Variants in DMC1 observed in about 807,000 individuals in gnomAD.
The protein encoded by DMC1 is meiotic recombination protein DMC1 homolog.
In DMC1, 27 loss-of-function variants were observed where a neutral mutation model predicts 50.1. The ratio of observed to expected loss-of-function variants is 0.54; its 90% CI spans 0.40 to 0.74. The LOEUF (loss-of-function observed/expected upper bound fraction) is 0.74. DMC1 is among the 30% of genes least tolerant of loss of function. The pLI is 0.00. For missense variants in DMC1, 295 were observed against 420.2 expected, an observed-to-expected ratio of 0.70 and a Z score of 2.60; for synonymous variants, 148 against 136.1, an observed-to-expected ratio of 1.09 and a Z score of -0.61.
intron 5 of DMC1, among the ~76,000 whole-genome samples, chr22:38,556,132 C>T (rs1322603281): frequency 6.6e-6 from 1 of 152,048 alleles, no homozygotes; most frequent in Non-Finnish European, 1.5e-5. Flanking sequence ...ATGCCCAGCC[C>T]ATCTTAGTTA....
At chr22:38,514,770 C>T (rs1420308569), downstream of DMC1, among the ~76,000 whole-genome samples, 2 of 152,084 alleles carry the variant, frequency 1.3e-5, no homozygotes, top group African/African-American at 4.8e-5. Context: ...AGGAAGTTAT[C>T]CTGTATGGTC....
chr22:38,569,076 T>C lies in DMC1; in HGVS notation c.-33-787A>G, dbSNP rs529337965. ...GTGGGCGCCCGTAATCCCACCTACTTGGGAGGCTGAGGCAGGAGAATCGCT... is the reference window on the plus strand; with the variant it reads ...GTGGGCGCCCGTAATCCCACCTACTCGGGAGGCTGAGGCAGGAGAATCGCT... On this transcript the variant is annotated intron_variant, in intron 1 of 13. Coordinates refer to ENST00000216024, the MANE Select transcript of DMC1 (RefSeq NM_007068.4). Among the ~76,000 whole-genome samples, 19 of 150,468 alleles carry C rather than the reference T, an allele frequency of 1.3e-4. No homozygotes were observed. The East Asian group carries it at 3.3e-3, about 26-fold the overall frequency.
chr22:38,517,264 T>C (rs1381924700), downstream of DMC1, among the ~76,000 whole-genome samples: 2 of 152,138 alleles, frequency 1.3e-5, no homozygotes, highest in Admixed American at 6.6e-5. Flanking sequence ...CCAGCTAGAA[T>C]GATTTTTCAA....
At chr22:38,518,248 T>A (rs186711159), downstream of DMC1, among the ~76,000 whole-genome samples, 243 of 152,282 alleles carry the variant, frequency 1.6e-3, no homozygotes, top group African/African-American at 5.6e-3. Context: ...CTGGGATTAC[T>A]GGCGTGAGCT....
At chr22:38,516,285 A>G (rs1237015727), downstream of DMC1, among the ~76,000 whole-genome samples, 8 of 152,226 alleles carry the variant, frequency 5.3e-5, no homozygotes, top group Admixed American at 5.2e-4. Flanking sequence ...AGCCTTAGCC[A>G]GATGCCATAT....
rs1202221082 is a variant in DMC1 at position 38,562,331 on chromosome 22, C to A, written c.282G>T (p.Lys94Asn). 1 of 1,612,944 alleles carries A rather than the reference C, an allele frequency of 6.2e-7. No individual in the cohort carries two copies. The highest frequency in any genetic ancestry group is 2.2e-5 in the East Asian group (1 of 44,788). ...GFLTAFEYSEKRKMVFHITTG... is the reference protein window; with the variant it reads ...GFLTAFEYSENRKMVFHITTG... ...TGGTGATATGGAAAACCATTTTCCT[C>A]TTTTCACTATACTCAAATGCAGTCA... The change falls in exon 5 of 14, where the codon AAG becomes AAT. Residue 94 changes from lysine (K) to asparagine (N), a missense_variant. Physicochemically the swap from Lys to Asn is moderately conservative, Grantham distance 94 (BLOSUM62 0). Transcript: ENST00000216024.
intron 12 of DMC1, among the ~76,000 whole-genome samples, chr22:38,533,593 C>A (rs1317201394): frequency 6.6e-6 from 1 of 152,062 alleles, no homozygotes; most frequent in East Asian, 1.9e-4. Flanking sequence ...TAATCTGCTA[C>A]CATATGATGC....
At chr22:38,528,176 C>T (rs997357121) in intron 12 of DMC1, among the ~76,000 whole-genome samples, 3 of 151,674 alleles carry the variant, frequency 2.0e-5, no homozygotes, top group Non-Finnish European at 2.9e-5. Flanking sequence ...ATTCTCCTGC[C>T]TCAGCCTCCC....
downstream of DMC1, among the ~76,000 whole-genome samples, chr22:38,515,049 G>T (rs2089967085): frequency 1.4e-5 from 2 of 147,412 alleles, no homozygotes; most frequent in Non-Finnish European, 3.0e-5. Flanking sequence ...TGTATTTTTA[G>T]TAGAGATGGG....
intron 4 of DMC1, among the ~76,000 whole-genome samples, chr22:38,563,048 C>T (rs986163534): frequency 2.0e-5 from 3 of 152,126 alleles, no homozygotes; most frequent in Non-Finnish European, 2.9e-5. Context: ...GGATTACAGG[C>T]GTGAGCCACC....
At chr22:38,512,608 C>T in the DMC1 span, among the ~76,000 whole-genome samples, 3 of 152,156 alleles carry the variant, frequency 2.0e-5, no homozygotes, top group South Asian at 2.1e-4. Context: ...TAGGAAAGCA[C>T]GTGAAGAGTA....
At chr22:38,516,377 G>A (rs1350599161), downstream of DMC1, among the ~76,000 whole-genome samples, 2 of 152,084 alleles carry the variant, frequency 1.3e-5, no homozygotes, top group East Asian at 3.9e-4. Flanking sequence ...TTGGTAAATT[G>A]TCCTTCGTCA....
At chr22:38,532,564 C>T (rs1415616779) in intron 12 of DMC1, among the ~76,000 whole-genome samples, 1 of 151,990 alleles carries the variant, frequency 6.6e-6, no homozygotes, top group Non-Finnish European at 1.5e-5. Flanking sequence ...TCGTGATCCA[C>T]TGACCTTGGT....
At chr22:38,543,841 C>A (rs889698442) in intron 8 of DMC1, among the ~76,000 whole-genome samples, 1 of 152,154 alleles carries the variant, frequency 6.6e-6, no homozygotes, top group African/African-American at 2.4e-5. Flanking sequence ...TCCTGCCAAA[C>A]TACTCACTCC....
intron 12 of DMC1, among the ~76,000 whole-genome samples, chr22:38,528,653 G>A (rs2090122380): frequency 6.6e-6 from 1 of 151,988 alleles, no homozygotes; most frequent in Non-Finnish European, 1.5e-5. Context: ...CCGGTGTGGT[G>A]GCATGTGCCT....
At chr22:38,569,107 C>T (rs1202453166) in intron 1 of DMC1, among the ~76,000 whole-genome samples, 1 of 150,744 alleles carries the variant, frequency 6.6e-6, no homozygotes, top group Non-Finnish European at 1.5e-5. Context: ...TCGCTTGAAC[C>T]TGGGAGGCGG....
chr22:38,511,190 A>G, the DMC1 span, among the ~76,000 whole-genome samples: 1 of 152,094 alleles, frequency 6.6e-6, no homozygotes, highest in African/African-American at 2.4e-5. Context: ...TAGGCATTCA[A>G]TAAGTTTATC....
intron 8 of DMC1, among the ~76,000 whole-genome samples, chr22:38,543,825 CA>C (rs2090313543): frequency 6.6e-6 from 1 of 152,150 alleles, no homozygotes; most frequent in African/African-American, 2.4e-5. Flanking sequence ...TGTTCCTAAC[CA>C]TCCTTCCTGC....
At chr22:38,555,032 C>T (rs977615036) in intron 6 of DMC1, among the ~76,000 whole-genome samples, 4 of 149,942 alleles carry the variant, frequency 2.7e-5, no homozygotes, top group Admixed American at 2.0e-4. Context: ...TGCAGGAAGC[C>T]GAGATTGCGC....
Sources: gnomAD v4.1 joint callset for allele counts (sites outside exome capture counted in the v4.1 genomes callset) on GRCh38, gnomAD v4.1.1 for gene constraint, MANE v1.5 for transcripts, NCBI Gene and HGNC (gene_info 2026-07-23, HGNC 2026-07-21) for gene names.